MCTP1: variants seen among roughly 807,000 people sequenced by gnomAD.
The protein encoded by MCTP1 is multiple C2 and transmembrane domain-containing protein 1.
In MCTP1, 69 loss-of-function variants were observed where a neutral mutation model predicts 120.6. The ratio of observed to expected loss-of-function variants is 0.57; its 90% confidence interval spans 0.47 to 0.70. The LOEUF (loss-of-function observed/expected upper bound fraction) is 0.70, where lower values mean the gene tolerates loss of function less well. Among genes scored for constraint, MCTP1 ranks in the 30% least tolerant of loss-of-function variants. The probability of loss-of-function intolerance (pLI) is 0.00; values close to 1 mark genes in which losing one functional copy is unlikely to be tolerated. For synonymous variants in MCTP1, 529 were observed against 493.1 expected, an observed-to-expected ratio of 1.07 and a Z score of -0.96; for missense variants, 1,203 against 1,248.8, an observed-to-expected ratio of 0.96 and a Z score of 0.55.
chr5:95,255,024 T>G (rs1007776939), intron 1 of MCTP1, among the ~76,000 whole-genome samples: 35 of 152,214 alleles, frequency 2.3e-4, no homozygotes, highest in Non-Finnish European at 5.9e-5. Context: ...TTTCAGGGTT[T>G]TCTTGTACAT....
At chr5:94,951,406 C>T (rs1485480420) in intron 3 of MCTP1, among the ~76,000 whole-genome samples, 2 of 152,184 alleles carry the variant, frequency 1.3e-5, no homozygotes, top group African/African-American at 4.8e-5. Context: ...CTTTCAAAGA[C>T]AGGACAGTCA....
chr5:95,250,959 A>T (rs1340314466), intron 1 of MCTP1, among the ~76,000 whole-genome samples: 1 of 152,180 alleles, frequency 6.6e-6, no homozygotes, highest in South Asian at 2.1e-4. Context: ...TCACTCACTA[A>T]TTCATGCATC....
At chr5:94,911,451 GTTC>G (rs1178173881) in intron 9 of MCTP1, among the ~76,000 whole-genome samples, 5 of 152,170 alleles carry the variant, frequency 3.3e-5, no homozygotes, top group Non-Finnish European at 7.3e-5. Context: ...CCCCCTTGCT[GTTC>G]TTATGATAGT....
intron 1 of MCTP1, among the ~76,000 whole-genome samples, chr5:95,123,178 C>T (rs1026346654): frequency 6.6e-6 from 1 of 151,854 alleles, no homozygotes; most frequent in Non-Finnish European, 1.5e-5. Context: ...CCCCATTTAC[C>T]CTGATATGAT....
chr5:94,908,141 G>T (rs1807421393), intron 10 of MCTP1, among the ~76,000 whole-genome samples: 1 of 151,908 alleles, frequency 6.6e-6, no homozygotes, highest in Non-Finnish European at 1.5e-5. Flanking sequence ...ATCCCAAAGA[G>T]AACAAGATAA....
In MCTP1 at chr5:95,284,159, G is replaced by A; in HGVS notation, c.417C>T (p.Ala139=). 6.4e-7 allele frequency: 1 copy of A among 1,564,746 alleles called. No individual in the cohort carries two copies. The highest frequency in any genetic ancestry group is 8.7e-7 in the Non-Finnish European group (1 of 1,155,730). ...LLPAVKGPAA[A]SGAAGGTPPG... ...GAGGCGTCCCTCCCGCTGCTCCCGA[G>A]GCCGCCGCGGGCCCCTTTACGGCGG... The change falls in exon 1 of 23, where the codon GCC becomes GCT. Residue 139 remains alanine (A), a synonymous_variant. Coordinates refer to ENST00000515393, the MANE Select transcript of MCTP1 (RefSeq NM_024717.7). The surrounding 1 kb of genome is among the most constrained non-coding windows in gnomAD (Gnocchi z 5.2).
chr5:95,152,030 G>A (rs1582378443), intron 1 of MCTP1, among the ~76,000 whole-genome samples: 1 of 152,266 alleles, frequency 6.6e-6, no homozygotes, highest in East Asian at 1.9e-4. Context: ...ATCTTTCCTA[G>A]CTAAACAGTA....
At chr5:95,241,687 C>T (rs1264233150) in intron 1 of MCTP1, among the ~76,000 whole-genome samples, 1 of 152,146 alleles carries the variant, frequency 6.6e-6, no homozygotes, top group Non-Finnish European at 1.5e-5. Flanking sequence ...GTAATTTTCC[C>T]CAATTAAATT....
At chr5:95,054,648 T>C (rs1746888359) in intron 1 of MCTP1, among the ~76,000 whole-genome samples, 1 of 152,106 alleles carries the variant, frequency 6.6e-6, no homozygotes, top group South Asian at 2.1e-4. Context: ...TCAGTAACTA[T>C]AAACTGAATC....
At chr5:94,936,872 A>G (rs1816325850) in intron 5 of MCTP1, among the ~76,000 whole-genome samples, 2 of 152,020 alleles carry the variant, frequency 1.3e-5, no homozygotes, top group African/African-American at 2.4e-5. Flanking sequence ...AGAATTTCCA[A>G]TGGGGGAATC....
intron 1 of MCTP1, among the ~76,000 whole-genome samples, chr5:95,267,458 C>T (rs967317323): frequency 7.9e-5 from 12 of 152,224 alleles, no homozygotes; most frequent in Non-Finnish European, 1.8e-4. Context: ...CCTTCATTTA[C>T]TTTCCAATAG....
intron 10 of MCTP1, among the ~76,000 whole-genome samples, chr5:94,901,888 A>AT (rs1805646261): frequency 6.6e-6 from 1 of 152,112 alleles, no homozygotes; most frequent in African/African-American, 2.4e-5. Flanking sequence ...ATTTGCAATT[A>AT]TTTTTTAACG....
At chr5:94,742,246 G>A (rs905416420) in intron 19 of MCTP1, among the ~76,000 whole-genome samples, 12 of 151,930 alleles carry the variant, frequency 7.9e-5, no homozygotes, top group East Asian at 1.9e-4. Flanking sequence ...ATAGAGATGC[G>A]GTTTTGCCAT....
At chr5:94,873,740 T>A (rs1051675374) in intron 12 of MCTP1, among the ~76,000 whole-genome samples, 1 of 151,990 alleles carries the variant, frequency 6.6e-6, no homozygotes, top group Non-Finnish European at 1.5e-5. Flanking sequence ...AATATTTTAA[T>A]TGGACTAAGA....
intron 18 of MCTP1, among the ~76,000 whole-genome samples, chr5:94,783,182 G>A (rs770877573): frequency 6.6e-6 from 1 of 151,944 alleles, no homozygotes; most frequent in African/African-American, 2.4e-5. Flanking sequence ...AACACACATA[G>A]ACAGCCCCAA....
chr5:94,734,431 T>A (rs550898909), intron 19 of MCTP1, among the ~76,000 whole-genome samples: 2 of 152,378 alleles, frequency 1.3e-5, no homozygotes, highest in Non-Finnish European at 2.9e-5. Context: ...CACTTATTAA[T>A]CTTTGTGTTA....
chr5:95,000,635 T>A (rs1833488980), intron 2 of MCTP1, among the ~76,000 whole-genome samples: 1 of 152,136 alleles, frequency 6.6e-6, no homozygotes, highest in African/African-American at 2.4e-5. Context: ...GGTAAAATAT[T>A]TTTCTATAGC....
At chr5:94,808,374 G>T (rs17084077) in intron 17 of MCTP1, among the ~76,000 whole-genome samples, 13,017 of 152,200 alleles carry the variant, frequency 0.086, 665 homozygotes, top group East Asian at 0.26. Context: ...GAGAGGCTTT[G>T]CTTTGTTTGG....
At chr5:94,719,582 C>G (rs1376811159) in intron 19 of MCTP1, among the ~76,000 whole-genome samples, 1 of 152,178 alleles carries the variant, frequency 6.6e-6, no homozygotes. Flanking sequence ...AAACCAAACA[C>G]CACATGTTCT....
Sources: allele counts gnomAD v4.1 joint callset (sites outside exome capture counted in the v4.1 genomes callset), GRCh38; gene constraint gnomAD v4.1.1; non-coding constraint Gnocchi (gnomAD v3.1); transcripts MANE v1.5; gene names NCBI Gene and HGNC (gene_info 2026-07-23, HGNC 2026-07-21).